AKAP14: variants seen among roughly 807,000 people sequenced by gnomAD.
The protein encoded by AKAP14 is A-kinase anchor protein 14.
A neutral mutation model predicts 17.0 loss-of-function variants in AKAP14; 4 were observed. The observed-to-expected ratio is 0.23, with a 90% CI of 0.12 to 0.54. AKAP14 has a LOEUF of 0.54. Ranked by LOEUF, AKAP14 falls within the 20% of genes least tolerant of loss-of-function variation. The pLI is 0.95. For synonymous variants in AKAP14, 42 were observed against 51.3 expected (o/e 0.82, Z 0.77); for missense variants, 129 against 150.9 (o/e 0.85, Z 0.76).
chrX:119,917,267 C>G (rs1276388773), intron 5 of AKAP14, among the ~76,000 whole-genome samples: 1 of 109,449 alleles, frequency 9.1e-6, no homozygotes, highest in Non-Finnish European at 1.9e-5. Flanking sequence ...CACCTGAGGT[C>G]AGGAGTTCAA....
chrX:119,898,099 G>A (rs763119128), intron 2 of AKAP14, among the ~76,000 whole-genome samples: 1 of 112,470 alleles, frequency 8.9e-6, no homozygotes, highest in African/African-American at 3.2e-5. Flanking sequence ...GGAGGCGGAC[G>A]TTGCAGTGAG....
At chrX:119,907,876 G>A (rs927212236) in intron 4 of AKAP14, among the ~76,000 whole-genome samples, 3 of 111,944 alleles carry the variant, frequency 2.7e-5, no homozygotes, top group Non-Finnish European at 5.6e-5. Flanking sequence ...ACTGACCCAG[G>A]AAAAGTACTT....
intron 4 of AKAP14, among the ~76,000 whole-genome samples, chrX:119,904,432 C>T (rs1253445543): frequency 8.9e-6 from 1 of 112,659 alleles, no homozygotes; most frequent in Non-Finnish European, 1.9e-5. Flanking sequence ...GATTACTTTG[C>T]ATAACTGGTG....
chrX:119,899,103 G>T (rs1399679322), intron 2 of AKAP14, among the ~76,000 whole-genome samples: 1 of 105,450 alleles, frequency 9.5e-6, no homozygotes, highest in Non-Finnish European at 1.9e-5. Context: ...GGAGGCGGAG[G>T]TTGCAGTGAG....
At chrX:119,902,230 C>A (rs891226660) in intron 2 of AKAP14, among the ~76,000 whole-genome samples, 57 of 108,607 alleles carry the variant, frequency 5.2e-4, no homozygotes, top group African/African-American at 1.7e-3. Context: ...CATGAGCCAC[C>A]ATGCCCAGCT....
chrX:119,913,123 AAAATAAAT>A lies in AKAP14; in HGVS notation c.262-1552_262-1545del, dbSNP rs766878681. ...GACAACATAGCAAGACCTGGTCTCTAAAATAAATAAATAAATAAATAAATAAATAAAAT... is the reference window on the plus strand; with the variant it reads ...GACAACATAGCAAGACCTGGTCTCTAAAATAAATAAATAAATAAATAAAAT... On this transcript the variant is annotated intron_variant, in intron 4 of 6. Coordinates refer to ENST00000371431, the MANE Select transcript of AKAP14 (RefSeq NM_178813.6). Among the ~76,000 whole-genome samples, 498 of 98,077 alleles carry A rather than the reference AAAATAAAT, an allele frequency of 5.1e-3. 5 individuals are homozygous for A. The highest frequency in any genetic ancestry group is 0.018 in the African/African-American group (456 of 25,614). The allele number at this position is 98,077 out of a possible 115,157, so 85.2% of individuals were successfully genotyped here.
intron 2 of AKAP14, among the ~76,000 whole-genome samples, chrX:119,901,102 C>T (rs1380946586): frequency 3.6e-5 from 4 of 111,717 alleles, no homozygotes; most frequent in Admixed American, 2.9e-4. Context: ...CAGGAACAGA[C>T]GAATGTTTTC....
intron 4 of AKAP14, among the ~76,000 whole-genome samples, chrX:119,909,884 C>CA (rs34011091): frequency 0.021 from 1,834 of 87,671 alleles, 40 homozygotes; most frequent in African/African-American, 0.065. Flanking sequence ...GACTCCGTCT[C>CA]AAAAAAAAAA....
At position 119,903,297 on chromosome X, in the gene AKAP14, C is replaced by T. The variant is rs137962338; in HGVS notation, c.74C>T (p.Pro25Leu). 112 of 1,210,335 alleles carry T rather than the reference C, an allele frequency of 9.3e-5. No homozygotes were observed. In the African/African-American group the frequency reaches 1.7e-3, roughly 19 times the overall value. Residue 25 changes from proline to leucine, a missense_variant, in exon 3 of 7, where the codon CCG (proline) becomes CTG (leucine). By Grantham distance (98) the Pro-to-Leu change is moderately conservative. Coordinates refer to ENST00000371431, the MANE Select transcript of AKAP14 (RefSeq NM_178813.6). The stretch of plus-strand genomic sequence containing the variant: ...AACAAAGCCGCAAGCCAAACAATGC[C>T]GAATACACAAGACAAGAACTACGAG... ...EDNKAASQTM[P>L]NTQDKNYEDE...
chrX:119,918,263 G>C (rs1010198094), intron 5 of AKAP14, among the ~76,000 whole-genome samples: 3 of 110,735 alleles, frequency 2.7e-5, no homozygotes, highest in African/African-American at 9.8e-5. Context: ...ATGGAGTCTC[G>C]TTCTGTCTTC....
At chrX:119,917,410 TC>T (rs1266652955) in intron 5 of AKAP14, among the ~76,000 whole-genome samples, 1 of 110,902 alleles carries the variant, frequency 9.0e-6, no homozygotes, top group Admixed American at 9.6e-5. Context: ...GGTTGGGAGT[TC>T]CAGACCAGCC....
intron 4 of AKAP14, among the ~76,000 whole-genome samples, chrX:119,908,290 A>AG (rs2056609230): frequency 1.0e-5 from 1 of 100,460 alleles, no homozygotes; most frequent in African/African-American, 3.6e-5. Context: ...CTGTCAAAAA[A>AG]AAAAAAAAAA....
intron 3 of AKAP14, 38 bp from the exon 4 acceptor site, chrX:119,903,457 T>C (rs748565711): frequency 9.9e-6 from 12 of 1,210,023 alleles, no homozygotes; most frequent in Non-Finnish European, 1.3e-5. Context: ...AGCACCACAC[T>C]ACCTGGCAAC....
At chrX:119,905,453 C>T (rs1314926885) in intron 4 of AKAP14, among the ~76,000 whole-genome samples, 3 of 112,656 alleles carry the variant, frequency 2.7e-5, no homozygotes, top group Non-Finnish European at 3.8e-5. Flanking sequence ...TAGAATGGAA[C>T]ACATAGCAAG....
chrX:119,915,698 G>T (rs1184797558), intron 5 of AKAP14, among the ~76,000 whole-genome samples: 1 of 111,546 alleles, frequency 9.0e-6, no homozygotes, highest in Non-Finnish European at 1.9e-5. Context: ...TAGAGATGGG[G>T]TTTCACCATG....
intron 2 of AKAP14, among the ~76,000 whole-genome samples, chrX:119,897,899 G>A (rs1221330925): frequency 8.9e-6 from 1 of 112,234 alleles, no homozygotes; most frequent in Non-Finnish European, 1.9e-5. Context: ...TTGGGAGGCC[G>A]AGGTGGGCAG....
Position 119,896,805 on chromosome X carries a change from C to CTTTTTTTTTTT in AKAP14, c.-11+545_-11+546insTTTTTTTTTTT, listed in dbSNP as rs765107118. Among the ~76,000 whole-genome samples the CTTTTTTTTTTT allele has an allele frequency of 2.8e-4, 20 of 70,760 alleles. 1 individual carries two copies. Among genetic ancestry groups the CTTTTTTTTTTT allele is most frequent in the African/African-American group, 5.2e-4 (9 of 17,466 alleles). 61.4% of individuals were successfully genotyped at this position (70,760 alleles called of 115,157 possible). A position where few individuals can be genotyped will look rare whatever the true frequency, so the allele number is the denominator to read the frequency against. On this transcript the variant is annotated intron_variant, in intron 2 of 6. Transcript: ENST00000371431. ...CAAATGGGCAATTTTCTTTTCTTTT[C>CTTTTTTTTTTT]TTTTTTTCTTTTTTTTTTTTTTTGA... is the stretch of plus-strand genomic sequence containing the variant.
chrX:119,898,058 G>T (rs1445719002), intron 2 of AKAP14, among the ~76,000 whole-genome samples: 2 of 112,404 alleles, frequency 1.8e-5, no homozygotes, highest in African/African-American at 6.5e-5. Flanking sequence ...AGCTACTCAG[G>T]AGGCTGAGGC....
chrX:119,908,181 G>A (rs1027245283), intron 4 of AKAP14, among the ~76,000 whole-genome samples: 3 of 109,626 alleles, frequency 2.7e-5, no homozygotes, highest in African/African-American at 1.0e-4. Flanking sequence ...CAGCTGCTTG[G>A]GAGGCTGAGG....
Sources: allele counts gnomAD v4.1 joint callset (sites outside exome capture counted in the v4.1 genomes callset), GRCh38; gene constraint gnomAD v4.1.1; transcripts MANE v1.5; gene names NCBI Gene and HGNC (gene_info 2026-07-23, HGNC 2026-07-21).